MAP3K3: variants seen among roughly 807,000 people sequenced by gnomAD.
MAP3K3 encodes mitogen-activated protein kinase kinase kinase 3, also known as MAP/ERK kinase kinase 3.
A neutral mutation model predicts 80.9 loss-of-function variants in MAP3K3; 12 were observed. The ratio of observed to expected loss-of-function variants is 0.15; its 90% confidence interval spans 0.10 to 0.24. The LOEUF is 0.24. Ranked by LOEUF, MAP3K3 falls within the 10% of genes least tolerant of loss-of-function variation. The pLI is 1.00. For synonymous variants in MAP3K3, 272 were observed against 307.1 expected (o/e 0.89, Z 1.19); for missense variants, 596 against 834.7 (o/e 0.71, Z 3.52).
chr17:63,627,891 C>T (rs560675304), intron 1 of MAP3K3, among the ~76,000 whole-genome samples: 1 of 150,612 alleles, frequency 6.6e-6, no homozygotes, highest in Non-Finnish European at 1.5e-5. Context: ...GCCTGTCACT[C>T]TTATTTTCTT....
At chr17:63,686,857 C>T (rs779871798) in intron 8 of MAP3K3, among the ~76,000 whole-genome samples, 3 of 152,180 alleles carry the variant, frequency 2.0e-5, no homozygotes, top group Non-Finnish European at 4.4e-5. Context: ...ATCTTCCCTT[C>T]ACGGGATCTG....
intron 3 of MAP3K3, among the ~76,000 whole-genome samples, chr17:63,648,831 G>T (rs1430674719): frequency 6.6e-6 from 1 of 151,904 alleles, no homozygotes; most frequent in Non-Finnish European, 1.5e-5. Flanking sequence ...ACAGAAAAAA[G>T]AATTACAGTC....
intron 5 of MAP3K3, among the ~76,000 whole-genome samples, chr17:63,664,246 C>CA (rs60599826): frequency 0.053 from 3,678 of 68,992 alleles, 65 homozygotes; most frequent in Non-Finnish European, 0.063. Flanking sequence ...GACTCCGTCT[C>CA]AAAAAAAAAA....
intron 2 of MAP3K3, among the ~76,000 whole-genome samples, chr17:63,638,529 T>C (rs747912271): frequency 2.6e-5 from 4 of 152,226 alleles, no homozygotes; most frequent in Non-Finnish European, 5.9e-5. Context: ...CAGTTATTCC[T>C]GTTGCTCCTG....
chr17:63,637,613 G>A (rs916962418), intron 2 of MAP3K3, among the ~76,000 whole-genome samples: 1 of 152,144 alleles, frequency 6.6e-6, no homozygotes, highest in African/African-American at 2.4e-5. Context: ...GTGAGCTTTG[G>A]GGAAAGCTTC....
At chr17:63,657,317 A>G (rs1225526370) in intron 4 of MAP3K3, among the ~76,000 whole-genome samples, 20 of 152,150 alleles carry the variant, frequency 1.3e-4, no homozygotes, top group Non-Finnish European at 1.3e-4. Context: ...GAGGTATGCT[A>G]CAGCATGGAT....
chr17:63,690,524 C>A, intron 12 of MAP3K3, 112 bp downstream of exon 12: 1 of 1,183,386 alleles, frequency 8.5e-7, no homozygotes, highest in Non-Finnish European at 1.2e-6. Context: ...TGTCATTCTT[C>A]CCAAACTCCC....
intron 5 of MAP3K3, among the ~76,000 whole-genome samples, chr17:63,665,911 C>T (rs1016276538): frequency 3.9e-5 from 6 of 152,114 alleles, no homozygotes; most frequent in Non-Finnish European, 8.8e-5. Context: ...TTGTTTAGAT[C>T]GGACTTTTTT....
chr17:63,627,830 C>T (rs1031000827), intron 1 of MAP3K3, among the ~76,000 whole-genome samples: 5 of 152,060 alleles, frequency 3.3e-5, no homozygotes, highest in Non-Finnish European at 7.4e-5. Flanking sequence ...GTGATATGCC[C>T]GCCTTGGCTT....
At chr17:63,636,624 G>C (rs2034329491) in intron 2 of MAP3K3, 2 of 206,804 alleles carry the variant, frequency 9.7e-6, no homozygotes, top group Admixed American at 1.0e-4. Flanking sequence ...AGAAGAGCTT[G>C]CCTGGCCACA....
intron 2 of MAP3K3, among the ~76,000 whole-genome samples, chr17:63,636,025 G>C (rs1457030090): frequency 2.6e-5 from 4 of 152,212 alleles, no homozygotes; most frequent in Admixed American, 2.6e-4. Flanking sequence ...GGCAGTGCTG[G>C]CTACAAGGCA....
chr17:63,678,679 C>T (rs2035269358), intron 6 of MAP3K3, among the ~76,000 whole-genome samples: 2 of 152,200 alleles, frequency 1.3e-5, no homozygotes, highest in Non-Finnish European at 2.9e-5. Flanking sequence ...AAAATGTATT[C>T]AGCACAACCA....
chr17:63,646,458 A>G (rs893254536), intron 3 of MAP3K3, among the ~76,000 whole-genome samples: 2 of 152,192 alleles, frequency 1.3e-5, no homozygotes, highest in African/African-American at 2.4e-5. Flanking sequence ...TGCCATTACT[A>G]TTCCCAGTAG....
chr17:63,691,722 G>A lies in MAP3K3; in HGVS notation c.1345-11G>A, dbSNP rs560086388. The A allele has an allele frequency of 7.4e-6, 12 of 1,611,728 alleles. No individual in the cohort carries two copies. Among genetic ancestry groups the A allele is most frequent in the Non-Finnish European group, 1.0e-5 (12 of 1,178,402 alleles). ...CCTGAGGGGACTCCTCTGACTTCTT[G>A]TGGCCTCCAGGGCTCGGTGAAAGAC... On this transcript the variant is annotated splice_polypyrimidine_tract_variant and intron_variant, in intron 13 of 15. Transcript: ENST00000361733. This position sits in a 1 kb window ranked among gnomAD's most constrained non-coding sequence, Gnocchi z 4.8.
chr17:63,646,189 A>G (rs971042103), intron 3 of MAP3K3, 115 bp downstream of exon 3: 2 of 893,054 alleles, frequency 2.2e-6, no homozygotes, highest in African/African-American at 3.3e-5. Flanking sequence ...CTGGCTGGGT[A>G]ATAGGGTGGA....
intron 7 of MAP3K3, among the ~76,000 whole-genome samples, chr17:63,682,931 C>T (rs2035371255): frequency 6.6e-6 from 1 of 152,242 alleles, no homozygotes. Context: ...GTGTCTACCA[C>T]AGTGGCTCAG....
chr17:63,623,803 T>G (rs2034044117), intron 1 of MAP3K3, among the ~76,000 whole-genome samples: 1 of 152,228 alleles, frequency 6.6e-6, no homozygotes, highest in African/African-American at 2.4e-5. Flanking sequence ...AGGGTAAACT[T>G]CAGTGAGAGG....
intron 2 of MAP3K3, among the ~76,000 whole-genome samples, chr17:63,644,526 C>T (rs962365306): frequency 1.3e-5 from 2 of 152,104 alleles, no homozygotes; most frequent in South Asian, 4.1e-4. Context: ...CCTTTAATTG[C>T]CATTTTAAAT....
Position 63,691,643 on chromosome 17 carries a change from T to C in MAP3K3, c.1345-90T>C. On this transcript the variant is annotated intron_variant, in intron 13 of 15. Coordinates refer to ENST00000361733, the MANE Select transcript of MAP3K3 (RefSeq NM_002401.5). The surrounding 1 kb of genome is among the most constrained non-coding windows in gnomAD (Gnocchi z 4.8). Reference sequence around the variant, plus strand: ...GCCAGATAGGAATTGAACAAATCACTCCTTTGCTGCCATGCTGGGGGCTGG... The same window carrying C: ...GCCAGATAGGAATTGAACAAATCACCCCTTTGCTGCCATGCTGGGGGCTGG... 6.6e-7 allele frequency: 1 copy of C among 1,526,472 alleles called. No homozygotes were observed. Among genetic ancestry groups the C allele is most frequent in the South Asian group, 1.2e-5 (1 of 80,770 alleles). 94.6% of individuals were successfully genotyped at this position (1,526,472 alleles called of 1,614,324 possible).
Sources: gnomAD v4.1 joint callset for allele counts (sites outside exome capture counted in the v4.1 genomes callset) on GRCh38, gnomAD v4.1.1 for gene constraint, Gnocchi (gnomAD v3.1) non-coding constraint, MANE v1.5 for transcripts, NCBI Gene and HGNC (gene_info 2026-07-23, HGNC 2026-07-21) for gene names.